Variants in THSD7B observed in about 807,000 individuals in gnomAD.
The protein encoded by THSD7B is thrombospondin type-1 domain-containing protein 7B.
In THSD7B, 138 loss-of-function variants were observed where a neutral mutation model predicts 213.6. That is an observed-to-expected ratio of 0.65 (90% CI 0.56 to 0.74). THSD7B has a LOEUF of 0.74. THSD7B is among the 30% of genes least tolerant of loss of function. The pLI is 0.00. For synonymous variants in THSD7B, 742 were observed against 687.0 expected (o/e 1.08, Z -1.25); for missense variants, 1,931 against 1,991.5 (o/e 0.97, Z 0.58).
intron 10 of THSD7B, among the ~76,000 whole-genome samples, chr2:137,244,668 T>C (rs1014547641): frequency 6.6e-6 from 1 of 152,220 alleles, no homozygotes; most frequent in Admixed American, 6.5e-5. Flanking sequence ...CTCTGTGGTC[T>C]CTCTTTGCCA....
At chr2:137,218,435 A>G (rs9678499) in intron 7 of THSD7B, among the ~76,000 whole-genome samples, 90,723 of 151,918 alleles carry the variant, frequency 0.6, 27,511 homozygotes, top group South Asian at 0.71. Flanking sequence ...TGAAAGTGTG[A>G]TTTCTTTCTG....
intron 20 of THSD7B, among the ~76,000 whole-genome samples, chr2:137,633,029 C>T (rs953517117): frequency 6.6e-6 from 1 of 152,150 alleles, no homozygotes; most frequent in African/African-American, 2.4e-5. Context: ...ATCAATACCA[C>T]ACATGTGCTA....
intron 1 of THSD7B, among the ~76,000 whole-genome samples, chr2:136,775,533 A>G (rs1215261707): frequency 1.3e-5 from 2 of 152,234 alleles, no homozygotes; most frequent in East Asian, 3.9e-4. Flanking sequence ...ATAAAAAATT[A>G]TTTTGTTCAG....
chr2:137,235,252 A>G (rs2105058393), intron 9 of THSD7B, among the ~76,000 whole-genome samples: 1 of 152,356 alleles, frequency 6.6e-6, no homozygotes, highest in East Asian at 1.9e-4. Context: ...ATTAGAATGA[A>G]TATAAAAATA....
At chr2:137,606,645 G>A (rs921458920) in intron 17 of THSD7B, among the ~76,000 whole-genome samples, 9 of 152,136 alleles carry the variant, frequency 5.9e-5, no homozygotes, top group African/African-American at 2.2e-4. Context: ...TGTCCTGGGA[G>A]TCTCATTCCA....
intron 1 of THSD7B, among the ~76,000 whole-genome samples, chr2:136,845,999 G>A (rs1683003613): frequency 3.3e-5 from 5 of 152,258 alleles, no homozygotes; most frequent in Non-Finnish European, 2.9e-5. Context: ...AGCACAGGGG[G>A]TAGTCGGTCA....
At chr2:137,659,873 A>T (rs1683310786) in intron 25 of THSD7B, 127 bp downstream of exon 25, 2 of 735,780 alleles carry the variant, frequency 2.7e-6, no homozygotes. Context: ...ATCTAGAGGC[A>T]TTTGCAGGAG....
chr2:137,576,120 GGT>G (rs1681455688), intron 17 of THSD7B, among the ~76,000 whole-genome samples: 1 of 151,970 alleles, frequency 6.6e-6, no homozygotes, highest in Non-Finnish European at 1.5e-5. Context: ...AACAATATTG[GGT>G]TGCCTTCATT....
intron 7 of THSD7B, among the ~76,000 whole-genome samples, chr2:137,193,979 G>C (rs1008926585): frequency 6.6e-6 from 1 of 151,928 alleles, no homozygotes; most frequent in African/African-American, 2.4e-5. Flanking sequence ...TGGAAATTGA[G>C]CTAATGGACT....
intron 2 of THSD7B, among the ~76,000 whole-genome samples, chr2:136,965,582 A>G (rs902093657): frequency 2.6e-4 from 40 of 151,918 alleles, no homozygotes; most frequent in Admixed American, 3.9e-4. Context: ...GAACCTCACC[A>G]ATGACTTTTT....
At chr2:136,988,735 A>C (rs1685711794) in intron 2 of THSD7B, among the ~76,000 whole-genome samples, 1 of 152,200 alleles carries the variant, frequency 6.6e-6, no homozygotes, top group Admixed American at 6.5e-5. Flanking sequence ...TCCATTCAAA[A>C]TCTGCTCCAC....
chr2:136,830,124 GCACA>G (rs142136751), intron 1 of THSD7B, among the ~76,000 whole-genome samples: 36 of 148,436 alleles, frequency 2.4e-4, no homozygotes, highest in African/African-American at 1.5e-4. Flanking sequence ...GCCTGTGCGC[GCACA>G]CACACACACA....
intron 15 of THSD7B, among the ~76,000 whole-genome samples, chr2:137,480,318 A>G (rs931007623): frequency 6.6e-6 from 1 of 152,212 alleles, no homozygotes; most frequent in African/African-American, 2.4e-5. Context: ...TTATAGAAAT[A>G]ATATATTCAG....
chr2:136,964,510 C>T (rs1685280686), intron 2 of THSD7B, among the ~76,000 whole-genome samples: 1 of 152,160 alleles, frequency 6.6e-6, no homozygotes, highest in Non-Finnish European at 1.5e-5. Flanking sequence ...AGAATTTGTC[C>T]CCCTTGACTT....
chr2:137,646,486 A>AT (rs1683033092), intron 21 of THSD7B, among the ~76,000 whole-genome samples: 1 of 109,054 alleles, frequency 9.2e-6, no homozygotes, highest in Non-Finnish European at 1.9e-5. Context: ...TACTACAAAT[A>AT]CAAAAAAAAA....
At chr2:137,507,937 C>G (rs1679874019) in intron 15 of THSD7B, among the ~76,000 whole-genome samples, 1 of 152,186 alleles carries the variant, frequency 6.6e-6, no homozygotes, top group Non-Finnish European at 1.5e-5. Context: ...ATTCTGTCTC[C>G]TCTAAGTGGC....
At chr2:137,496,853 A>T (rs374060795) in intron 15 of THSD7B, among the ~76,000 whole-genome samples, 2 of 152,258 alleles carry the variant, frequency 1.3e-5, no homozygotes. Flanking sequence ...AGTGCCTATC[A>T]TGTGCCCGGT....
intron 12 of THSD7B, among the ~76,000 whole-genome samples, chr2:137,366,364 C>T (rs1239723664): frequency 1.3e-5 from 2 of 151,698 alleles, no homozygotes; most frequent in African/African-American, 2.4e-5. Flanking sequence ...AAGTTGTATG[C>T]ATGTACCCTA....
chr2:137,406,667 T>G (rs1353212090), intron 13 of THSD7B, among the ~76,000 whole-genome samples: 1 of 152,220 alleles, frequency 6.6e-6, no homozygotes, highest in Non-Finnish European at 1.5e-5. Flanking sequence ...TGATCACATT[T>G]TGAATTTAAA....
Sources: allele counts gnomAD v4.1 joint callset (sites outside exome capture counted in the v4.1 genomes callset), GRCh38; gene constraint gnomAD v4.1.1; transcripts MANE v1.5; gene names NCBI Gene and HGNC (gene_info 2026-07-23, HGNC 2026-07-21).